Variants in SUPT20H observed in about 807,000 individuals in gnomAD.
SUPT20H encodes transcription factor SPT20 homolog.
In SUPT20H, 82 loss-of-function variants were observed where a neutral mutation model predicts 122.8. That is an observed-to-expected ratio of 0.67 (90% confidence interval 0.56 to 0.80). The LOEUF (loss-of-function observed/expected upper bound fraction) is 0.80. SUPT20H is among the 30% of genes least tolerant of loss of function. SUPT20H has a pLI of 0.00. For missense variants in SUPT20H, 831 were observed against 921.6 expected, an observed-to-expected ratio of 0.90 and a Z score of 1.27; for synonymous variants, 291 against 313.0, an observed-to-expected ratio of 0.93 and a Z score of 0.74.
Position 37,022,413 on chromosome 13 carries a change from G to T in SUPT20H, c.1592-333C>A. On this transcript the variant is annotated intron_variant, in intron 19 of 25. Coordinates refer to ENST00000350612, the MANE Select transcript of SUPT20H (RefSeq NM_001014286.3). This position sits in a 1 kb window ranked among gnomAD's most constrained non-coding sequence, Gnocchi z 4.5. ...GAATCTTACTTAGCACTGACAATTT[G>T]TTCTAGTTTTTTTTTTTTTAGCAGT... 2 of 1,267,484 alleles carry T rather than the reference G, an allele frequency of 1.6e-6. No individual in the cohort carries two copies. Among genetic ancestry groups the T allele is most frequent in the South Asian group, 6.2e-5 (2 of 32,324 alleles). The allele number at this position is 1,267,484 out of a possible 1,614,324, so 78.5% of individuals were successfully genotyped here. A position where few individuals can be genotyped will look rare whatever the true frequency, so the allele number is the denominator to read the frequency against.
chr13:37,051,792 A>T (rs1364978038), intron 1 of SUPT20H: 1 of 303,402 alleles, frequency 3.3e-6, no homozygotes. Flanking sequence ...CAACTAGGAA[A>T]GGCAAAACAC....
chr13:37,026,187 G>A lies in SUPT20H; in HGVS notation c.1211+17C>T. ...CATATCCATCCTGACCAAAATAAGA[G>A]ATGCAAATATTTTTACCTCTCAGCA... On this transcript the variant is annotated intron_variant, in intron 16 of 25. Coordinates refer to ENST00000350612, the MANE Select transcript of SUPT20H (RefSeq NM_001014286.3). The A allele has an allele frequency of 6.4e-7, 1 of 1,557,782 alleles. No individual in the cohort carries two copies.
chr13:37,012,629 C>T (rs2059799359), intron 23 of SUPT20H: 1 of 166,870 alleles, frequency 6.0e-6, no homozygotes, highest in Non-Finnish European at 1.3e-5. Flanking sequence ...AACTTTTAGT[C>T]AGCAGACTAA....
At chr13:37,026,720 C>A in intron 15 of SUPT20H, 70 bp downstream of exon 15, 1 of 894,632 alleles carries the variant, frequency 1.1e-6, no homozygotes, top group East Asian at 3.1e-5. Flanking sequence ...GTATATTTAG[C>A]AAGTCTTTTT....
intron 23 of SUPT20H, 125 bp from the exon 24 acceptor site, chr13:37,012,422 A>C (rs1442635841): frequency 4.8e-6 from 3 of 619,940 alleles, no homozygotes; most frequent in Non-Finnish European, 8.3e-6. Flanking sequence ...AAAAAGAATA[A>C]CAAGGAAAAT....
chr13:37,035,107 T>A (rs2064091626), intron 9 of SUPT20H, among the ~76,000 whole-genome samples: 1 of 152,202 alleles, frequency 6.6e-6, no homozygotes, highest in South Asian at 2.1e-4. Context: ...CAACACAATA[T>A]CCACTCTGCA....
Position 37,040,663 on chromosome 13 carries a change from T to C in SUPT20H, c.426A>G (p.Ile142Met). The C allele has an allele frequency of 6.2e-7, 1 of 1,613,876 alleles. No individual in the cohort carries two copies. The change falls in exon 8 of 26, where the codon ATA becomes ATG. Residue 142 changes from isoleucine (I) to methionine (M), a missense_variant. Ile to Met is a conservative substitution (Grantham distance 10). Coordinates refer to ENST00000350612, the MANE Select transcript of SUPT20H (RefSeq NM_001014286.3). ...QVNIFHCGCV[I>M]AEIRDYRQSS... The stretch of plus-strand genomic sequence containing the variant: ...ACTGCCTGTAGTCACGTATTTCTGC[T>C]ATGACACATCCGCAATGAAAAATAT...
At chr13:37,016,509 A>G (rs2060531956) in intron 23 of SUPT20H, among the ~76,000 whole-genome samples, 1 of 152,122 alleles carries the variant, frequency 6.6e-6, no homozygotes, top group African/African-American at 2.4e-5. Context: ...CAAAGATTTT[A>G]TATCTAGCCA....
Position 37,009,337 on chromosome 13 carries a change from G to A in SUPT20H, c.*335C>T. 1 of 1,225,514 alleles carries A rather than the reference G, an allele frequency of 8.2e-7. No individual in the cohort carries two copies. The allele number at this position is 1,225,514 out of a possible 1,614,324, so 75.9% of individuals were successfully genotyped here. On this transcript the variant is annotated 3_prime_UTR_variant, in exon 26 of 26. Coordinates refer to ENST00000350612, the MANE Select transcript of SUPT20H (RefSeq NM_001014286.3). ...TTTTCAAAACAGATTTGTAAAAATT[G>A]TATTTGTTAACACTGTGCACAAACG...
chr13:37,052,820 C>T (rs1221409705), intron 1 of SUPT20H, among the ~76,000 whole-genome samples: 1 of 151,944 alleles, frequency 6.6e-6, no homozygotes, highest in Non-Finnish European at 1.5e-5. Context: ...CTACAAAGAA[C>T]TTAAATTTAG....
chr13:37,045,244 T>C lies in SUPT20H; in HGVS notation c.292+3A>G. Reference sequence around the variant, plus strand: ...GTGGCAGCTGTGCTCTAGAGGGTCTTACCTGATCCGTTTTTTCCCCTGAGC... The same window carrying C: ...GTGGCAGCTGTGCTCTAGAGGGTCTCACCTGATCCGTTTTTTCCCCTGAGC... On this transcript the variant is annotated splice_donor_region_variant and intron_variant, in intron 6 of 25. Coordinates refer to ENST00000350612, the MANE Select transcript of SUPT20H (RefSeq NM_001014286.3). 6.2e-7 allele frequency: 1 copy of C among 1,613,588 alleles called. No homozygotes were observed. Among genetic ancestry groups the C allele is most frequent in the Non-Finnish European group, 8.5e-7 (1 of 1,179,662 alleles).
In SUPT20H at chr13:37,055,838, G is replaced by A. The variant is rs1308933702; in HGVS notation, c.-94+3721C>T. 9.9e-4 allele frequency among the ~76,000 whole-genome samples: 150 copies of A among 152,124 alleles called. 1 individual carries two copies. Among genetic ancestry groups the A allele is most frequent in the Admixed American group, 3.8e-3 (58 of 15,250 alleles). ...CATCAGAGTGAACAGGCAACCTACA[G>A]AATGGGAGAAAATGTTTGCAATCTA... On this transcript the variant is annotated intron_variant, in intron 1 of 25. Transcript: ENST00000350612.
At position 37,033,581 on chromosome 13, in the gene SUPT20H, T is replaced by TAAGAGCATA; in HGVS notation, c.574_575insTATGCTCTT (p.Lys192delinsIleCysSerTer). On this transcript the variant is annotated stop_gained and protein_altering_variant, in exon 10 of 26. Coordinates refer to ENST00000350612, the MANE Select transcript of SUPT20H (RefSeq NM_001014286.3). LOFTEE classifies it high-confidence loss of function. Reference sequence around the variant, plus strand: ...GATGAGCTGGCTCTCAAGCAAAAGTTTGTCTTCCTGAAATGTGTAAGAGCA... The same window carrying TAAGAGCATA: ...GATGAGCTGGCTCTCAAGCAAAAGTTAAGAGCATATGTCTTCCTGAAATGTGTAAGAGCA... The TAAGAGCATA allele has an allele frequency of 6.2e-7, 1 of 1,613,068 alleles. No individual in the cohort carries two copies. The highest frequency in any genetic ancestry group is 1.7e-5 in the Admixed American group (1 of 59,828).
At chr13:37,040,809 T>G (rs780888921) in intron 7 of SUPT20H, 117 bp from the exon 8 acceptor site, 1 of 717,092 alleles carries the variant, frequency 1.4e-6, no homozygotes, top group African/African-American at 1.8e-5. Flanking sequence ...CACTCATGTA[T>G]GTACTCTTCA....
Position 37,022,103 on chromosome 13 carries a change from G to A in SUPT20H, c.1592-23C>T, listed in dbSNP as rs1405731590. The A allele has an allele frequency of 2.5e-5, 41 of 1,614,140 alleles. No homozygotes were observed. The highest frequency in any genetic ancestry group is 3.4e-5 in the Non-Finnish European group (40 of 1,179,992). ...TTCCTGGAGTTATAGATGTTACCAT[G>A]GTGGAAAGAGGAATGGTTGTTACAG... is the stretch of plus-strand genomic sequence containing the variant. On this transcript the variant is annotated intron_variant, in intron 19 of 25. Coordinates refer to ENST00000350612, the MANE Select transcript of SUPT20H (RefSeq NM_001014286.3). The surrounding 1 kb of genome is among the most constrained non-coding windows in gnomAD (Gnocchi z 4.5).
At chr13:37,048,753 C>T (rs1440196052) in intron 2 of SUPT20H, among the ~76,000 whole-genome samples, 154 bp from the exon 3 acceptor site, 1 of 150,878 alleles carries the variant, frequency 6.6e-6, no homozygotes, top group East Asian at 1.9e-4. Flanking sequence ...ATATATATAA[C>T]AAAGAAAAAA....
At chr13:37,050,868 T>C (rs2067534073) in intron 2 of SUPT20H, among the ~76,000 whole-genome samples, 2 of 152,162 alleles carry the variant, frequency 1.3e-5, no homozygotes, top group African/African-American at 4.8e-5. Flanking sequence ...TGACGCAGAA[T>C]AGGGGTTATC....
rs778980237 is a variant in SUPT20H at position 37,047,922 on chromosome 13, A to G, written c.54T>C (p.Ser18=). The G allele has an allele frequency of 1.2e-6, 2 of 1,603,090 alleles. No individual in the cohort carries two copies. The highest frequency in any genetic ancestry group is 1.7e-6 in the Non-Finnish European group (2 of 1,175,044). ...ALDRAEYVIE[S]ARQRPPKRKY... ...TCCTTTTAGGAGGTCTCTGTCGGGC[A>G]CTTTCAATGACATACTAAAAAACAA... The change falls in exon 4 of 26, where the codon AGT becomes AGC. Residue 18 remains serine, a synonymous_variant. Transcript: ENST00000350612.
rs1278503502 is a variant in SUPT20H, at chr13:37,050,829, G to A, written c.3+659C>T. Among the ~76,000 whole-genome samples the A allele has an allele frequency of 2.6e-5, 4 of 152,316 alleles. No homozygotes were observed. In the East Asian group the frequency reaches 7.7e-4, roughly 29 times the overall value. ...AGTAGATAGGCAAGAACCAAGAGGAGAAGGAAGACAGATGTTTTCTGAAGT... is the reference window on the plus strand; with the variant it reads ...AGTAGATAGGCAAGAACCAAGAGGAAAAGGAAGACAGATGTTTTCTGAAGT... On this transcript the variant is annotated intron_variant, in intron 2 of 25. Coordinates refer to ENST00000350612, the MANE Select transcript of SUPT20H (RefSeq NM_001014286.3).
Sources: allele counts gnomAD v4.1 joint callset (sites outside exome capture counted in the v4.1 genomes callset), GRCh38; gene constraint gnomAD v4.1.1; non-coding constraint Gnocchi (gnomAD v3.1); transcripts MANE v1.5; gene names NCBI Gene and HGNC (gene_info 2026-07-23, HGNC 2026-07-21).